Variants in PPP1R14C observed in about 807,000 individuals in gnomAD.
PPP1R14C encodes protein phosphatase 1 regulatory subunit 14C.
In PPP1R14C, 16 loss-of-function variants were observed where a neutral mutation model predicts 20.4. The observed-to-expected ratio is 0.78, with a 90% CI of 0.53 to 1.19. PPP1R14C has a LOEUF of 1.19. Ranked by LOEUF, PPP1R14C falls within the 50% of genes most tolerant of loss-of-function variation. PPP1R14C has a pLI of 0.00. For synonymous variants in PPP1R14C, 91 were observed against 91.0 expected, an observed-to-expected ratio of 1.00 and a Z score of 0.00; for missense variants, 211 against 220.1, an observed-to-expected ratio of 0.96 and a Z score of 0.26.
intron 3 of PPP1R14C, among the ~76,000 whole-genome samples, chr6:150,219,456 TC>T: frequency 6.6e-6 from 1 of 152,272 alleles, no homozygotes; most frequent in Non-Finnish European, 1.5e-5. Flanking sequence ...CCCCAAGTGA[TC>T]CACCTGCCTT....
intron 1 of PPP1R14C, among the ~76,000 whole-genome samples, chr6:150,190,446 T>C (rs1212509698): frequency 6.6e-6 from 1 of 151,384 alleles, no homozygotes; most frequent in Non-Finnish European, 1.5e-5. Context: ...TTTTTTTTTT[T>C]TGAGATGGAG....
At chr6:150,217,195 ATTT>A (rs397886649) in intron 3 of PPP1R14C, among the ~76,000 whole-genome samples, 5 of 135,634 alleles carry the variant, frequency 3.7e-5, no homozygotes, top group Non-Finnish European at 3.2e-5. Flanking sequence ...ATTGGTATGT[ATTT>A]TTTTTTTTTT....
intron 1 of PPP1R14C, among the ~76,000 whole-genome samples, chr6:150,187,244 T>C (rs1243365889): frequency 7.7e-6 from 1 of 129,340 alleles, no homozygotes; most frequent in Non-Finnish European, 1.6e-5. Flanking sequence ...CCTTTCTCTT[T>C]CTCTGTGTGT....
intron 3 of PPP1R14C, among the ~76,000 whole-genome samples, chr6:150,230,842 G>C (rs1450837840): frequency 6.6e-6 from 1 of 151,856 alleles, no homozygotes; most frequent in Admixed American, 6.6e-5. Flanking sequence ...CAGTGATACT[G>C]TAGTTTCCCC....
At chr6:150,174,407 G>A (rs933785182) in intron 1 of PPP1R14C, among the ~76,000 whole-genome samples, 28 of 149,288 alleles carry the variant, frequency 1.9e-4, no homozygotes, top group Admixed American at 6.0e-4. Flanking sequence ...TAGTAGAGAT[G>A]GGGTTTCACC....
intron 1 of PPP1R14C, among the ~76,000 whole-genome samples, chr6:150,165,634 T>C (rs948109722): frequency 6.6e-6 from 1 of 152,244 alleles, no homozygotes; most frequent in Non-Finnish European, 1.5e-5. Flanking sequence ...TGTTTCTTTC[T>C]TTACAAGTTA....
At position 150,232,940 on chromosome 6, in the gene PPP1R14C, C is replaced by T. The variant is rs552112473; in HGVS notation, c.424-15806C>T. ...TCTCGATGATGATTTGTTCAGGGCA[C>T]ACAAAAATGGACACTGTAACTTCCT... is the stretch of plus-strand genomic sequence containing the variant. On this transcript the variant is annotated intron_variant, in intron 3 of 3. Transcript: ENST00000361131. Among the ~76,000 whole-genome samples the T allele has an allele frequency of 2.6e-5, 4 of 152,294 alleles. No individual in the cohort carries two copies. In the East Asian group the frequency reaches 5.8e-4, roughly 22 times the overall value.
At chr6:150,159,474 C>T (rs944151960) in intron 1 of PPP1R14C, among the ~76,000 whole-genome samples, 12 of 152,100 alleles carry the variant, frequency 7.9e-5, no homozygotes, top group African/African-American at 2.4e-4. Flanking sequence ...TGTGTGCTCT[C>T]GGCTTTCTAA....
At chr6:150,149,327 G>A (rs12189900) in intron 1 of PPP1R14C, among the ~76,000 whole-genome samples, 17 of 141,496 alleles carry the variant, frequency 1.2e-4, no homozygotes, top group African/African-American at 4.2e-4. Context: ...GTGTGTGTAT[G>A]TGTGTGTATA....
At chr6:150,232,245 A>G (rs775860187) in intron 3 of PPP1R14C, among the ~76,000 whole-genome samples, 2 of 151,796 alleles carry the variant, frequency 1.3e-5, no homozygotes, top group Admixed American at 6.6e-5. Context: ...CCATTTTGAA[A>G]TCTTTGCCCA....
chr6:150,243,736 CTTTA>C (rs778323435), intron 3 of PPP1R14C, among the ~76,000 whole-genome samples: 1 of 152,130 alleles, frequency 6.6e-6, no homozygotes, highest in African/African-American at 2.4e-5. Context: ...TTTTAAACAA[CTTTA>C]TTTATAATAG....
intron 1 of PPP1R14C, among the ~76,000 whole-genome samples, chr6:150,171,254 A>C (rs1777496000): frequency 6.6e-6 from 1 of 152,234 alleles, no homozygotes; most frequent in South Asian, 2.1e-4. Context: ...TGTGTTTGAC[A>C]GCTGGCTTAT....
chr6:150,185,911 G>A lies in PPP1R14C; in HGVS notation c.307-28833G>A, dbSNP rs942407789. Among the ~76,000 whole-genome samples, 18 of 152,262 alleles carry A rather than the reference G, an allele frequency of 1.2e-4. No homozygotes were observed. Among genetic ancestry groups the A allele is most frequent in the African/African-American group, 3.1e-4 (13 of 41,544 alleles). On this transcript the variant is annotated intron_variant, in intron 1 of 3. Transcript: ENST00000361131. The surrounding 1 kb of genome is among the most constrained non-coding windows in gnomAD (Gnocchi z 4.1). ...GCAAGGGTCAGGCGTGGCACCTATC[G>A]GCTCCTAAAGCCTCTACCAGGAAGT...
chr6:150,227,926 A>G (rs1778248551), intron 3 of PPP1R14C, among the ~76,000 whole-genome samples: 1 of 152,184 alleles, frequency 6.6e-6, no homozygotes, highest in African/African-American at 2.4e-5. Context: ...CATTATTACA[A>G]TTGCTCACAT....
chr6:150,206,899 C>T (rs1376372645), intron 1 of PPP1R14C, among the ~76,000 whole-genome samples: 2 of 150,404 alleles, frequency 1.3e-5, no homozygotes, highest in Non-Finnish European at 3.0e-5. Context: ...GAGTCTCGCT[C>T]TGTTGTCCGG....
At chr6:150,203,643 C>T (rs181124143) in intron 1 of PPP1R14C, among the ~76,000 whole-genome samples, 36 of 152,278 alleles carry the variant, frequency 2.4e-4, no homozygotes, top group Non-Finnish European at 3.2e-4. Flanking sequence ...GCAGCAACCC[C>T]GAATGCCTCA....
chr6:150,197,099 G>A (rs991242363), intron 1 of PPP1R14C, among the ~76,000 whole-genome samples: 4 of 152,114 alleles, frequency 2.6e-5, no homozygotes, highest in African/African-American at 7.2e-5. Flanking sequence ...TATAGATCCC[G>A]AGTTTGGGAA....
At chr6:150,240,253 C>A (rs1460913681) in intron 3 of PPP1R14C, among the ~76,000 whole-genome samples, 1 of 152,096 alleles carries the variant, frequency 6.6e-6, no homozygotes, top group African/African-American at 2.4e-5. Context: ...CAAGCTTGTG[C>A]CAGTAAATCC....
intron 3 of PPP1R14C, among the ~76,000 whole-genome samples, chr6:150,224,350 C>T (rs745413541): frequency 1.3e-5 from 2 of 152,112 alleles, no homozygotes; most frequent in Admixed American, 1.3e-4. Flanking sequence ...TCTATATAAA[C>T]CTTAGAATCA....
Sources: allele counts gnomAD v4.1 joint callset (sites outside exome capture counted in the v4.1 genomes callset), GRCh38; gene constraint gnomAD v4.1.1; non-coding constraint Gnocchi (gnomAD v3.1); transcripts MANE v1.5; gene names NCBI Gene and HGNC (gene_info 2026-07-23, HGNC 2026-07-21).